The following PIGO variants were observed in gnomAD, a reference collection of about 807,000 sequenced individuals.
PIGO encodes the protein phosphatidylinositol glycan anchor biosynthesis class O.
Under a neutral mutation model 86.9 loss-of-function variants are expected in PIGO, and 66 were observed. The ratio of observed to expected loss-of-function variants is 0.76; its 90% CI spans 0.62 to 0.93. The LOEUF (loss-of-function observed/expected upper bound fraction) is 0.93. PIGO is among the 40% of genes least tolerant of loss of function. PIGO has a pLI of 0.00. For synonymous variants in PIGO, 570 were observed against 556.4 expected, an observed-to-expected ratio of 1.02 and a Z score of -0.34; for missense variants, 1,202 against 1,359.1, an observed-to-expected ratio of 0.88 and a Z score of 1.82.
rs753246745 is a variant in PIGO, at chr9:35,089,225, C to G, written c.3141-4G>C. ...GCCCACAGCCTCAAATATGAACCTGCAAAGAAAGGCGGAGAATCTCAGGCA... is the reference window on the plus strand; with the variant it reads ...GCCCACAGCCTCAAATATGAACCTGGAAAGAAAGGCGGAGAATCTCAGGCA... On this transcript the variant is annotated splice_polypyrimidine_tract_variant and splice_region_variant and intron_variant, in intron 10 of 10. Transcript: ENST00000378617. The G allele has an allele frequency of 1.2e-6, 2 of 1,614,168 alleles. No individual in the cohort carries two copies. Among genetic ancestry groups the G allele is most frequent in the Non-Finnish European group, 1.7e-6 (2 of 1,180,022 alleles).
intron 4 of PIGO, 149 bp downstream of exon 4, chr9:35,093,752 C>T (rs1260170079): frequency 6.9e-7 from 1 of 1,457,598 alleles, no homozygotes; most frequent in African/African-American, 1.4e-5. Context: ...CAAAGCTACA[C>T]ATTGAGTTAA....
rs1372946565 is a variant in PIGO at position 35,092,216 on chromosome 9, C to T, written c.1671G>A (p.Leu557=). ...GPVLLLLLFR[L]AVFFSDSFVV... is the part of the protein sequence containing the mutation. Reference sequence around the variant, plus strand: ...CAAAACTATCAGAGAAGAACACAGCCAAGCGAAACAGCAGGAGTAACAGGA... The same window carrying T: ...CAAAACTATCAGAGAAGAACACAGCTAAGCGAAACAGCAGGAGTAACAGGA... The change falls in exon 7 of 11, where the codon TTG becomes TTA. Residue 557 remains leucine, a synonymous_variant. Coordinates refer to ENST00000378617, the MANE Select transcript of PIGO (RefSeq NM_032634.4). 6.2e-7 allele frequency: 1 copy of T among 1,614,094 alleles called. No individual in the cohort carries two copies. Among genetic ancestry groups the T allele is most frequent in the East Asian group, 2.2e-5 (1 of 44,884 alleles).
At chr9:35,093,872 C>A in intron 4 of PIGO, 29 bp downstream of exon 4, 1 of 1,608,740 alleles carries the variant, frequency 6.2e-7, no homozygotes. Context: ...GACACAAACC[C>A]ACTCCCCCAG....
In PIGO at chr9:35,092,873, C is replaced by A; in HGVS notation, c.1120-106G>T. ...AGGGGGTACCTGGAAGTCAAGGACC[C>A]AAACTCTGTCCAGAATCGGGGAAGG... On this transcript the variant is annotated intron_variant, in intron 6 of 10. Transcript: ENST00000378617. The A allele has an allele frequency of 6.5e-6, 9 of 1,385,024 alleles. 1 individual carries two copies. Among genetic ancestry groups the A allele is most frequent in the Non-Finnish European group, 8.8e-6 (9 of 1,024,568 alleles). The allele number at this position is 1,385,024 out of a possible 1,614,324, so 85.8% of individuals were successfully genotyped here.
rs1378853287 is a variant in PIGO at position 35,096,492 on chromosome 9, A to G, written c.-339T>C. ...ACCTTGGTTAGGAGCTGAGGGGAAG[A>G]GGGAGACTCCCTTACTTCAGGGTGA... On this transcript the variant is annotated 5_prime_UTR_variant, in exon 1 of 11. Transcript: ENST00000378617. 6.6e-6 allele frequency: 1 copy of G among 152,344 alleles called. No individual in the cohort carries two copies. Among genetic ancestry groups the G allele is most frequent in the Non-Finnish European group, 1.5e-5 (1 of 68,138 alleles). The allele number at this position is 152,344 out of a possible 1,614,324, so 9.4% of individuals were successfully genotyped here.
intron 4 of PIGO, 124 bp downstream of exon 4, chr9:35,093,777 G>A: frequency 6.7e-7 from 1 of 1,490,902 alleles, no homozygotes; most frequent in Non-Finnish European, 9.0e-7. Flanking sequence ...GATGGATGGA[G>A]CCTCTAGCTT....
chr9:35,090,309 C>A, intron 8 of PIGO, 29 bp from the exon 9 acceptor site: 1 of 1,603,768 alleles, frequency 6.2e-7, no homozygotes, highest in South Asian at 1.1e-5. Context: ...TGGCTGGAAT[C>A]AACAGGCCAC....
In PIGO at chr9:35,091,122, TG is replaced by T. The variant is rs1587161119; in HGVS notation, c.2647+117del. The T allele has an allele frequency of 9.4e-6, 11 of 1,170,278 alleles. No homozygotes were observed. In the East Asian group the frequency reaches 2.4e-4, roughly 25 times the overall value. The allele number at this position is 1,170,278 out of a possible 1,614,324, so 72.5% of individuals were successfully genotyped here. On this transcript the variant is annotated intron_variant, in intron 7 of 10. Coordinates refer to ENST00000378617, the MANE Select transcript of PIGO (RefSeq NM_032634.4). ...CACCAAGAAGACCTTCCTAGTTGTG[TG>T]GGGCATGGGACCCTCTGTCAAGCTC... is the stretch of plus-strand genomic sequence containing the variant.
In PIGO at chr9:35,089,199, A is replaced by G. The variant is rs147316771; in HGVS notation, c.3163T>C (p.Phe1055Leu). ...APKFIFEAVG[F>L]IVSSVGLLLG... ...AGAAGTCCCACGCTGCTCACAATGA[A>G]GCCCACAGCCTCAAATATGAACCTG... Residue 1055 changes from phenylalanine (F) to leucine (L), a missense_variant, in exon 11 of 11, where the codon TTC becomes CTC. Transcript: ENST00000378617. 1.2e-3 allele frequency: 2,016 copies of G among 1,614,234 alleles called. 1 individual carries two copies. Among genetic ancestry groups the G allele is most frequent in the Non-Finnish European group, 1.6e-3 (1,841 of 1,180,046 alleles).
At position 35,090,201 on chromosome 9, in the gene PIGO, A is replaced by G. The variant is rs780217709; in HGVS notation, c.2934T>C (p.Asn978=). ...GLRKRQQPPG[N]EADARVRPEE... ...CGGGTCTGACTCTGGCATCAGCTTCATTCCCTGGGGGCTGCTGTCTCTTCC... is the reference window on the plus strand; with the variant it reads ...CGGGTCTGACTCTGGCATCAGCTTCGTTCCCTGGGGGCTGCTGTCTCTTCC... Residue 978 remains asparagine (N), a synonymous_variant, in exon 9 of 11, where the codon AAT becomes AAC. Transcript: ENST00000378617. 6.2e-7 allele frequency: 1 copy of G among 1,614,194 alleles called. No homozygotes were observed.
At position 35,091,935 on chromosome 9, in the gene PIGO, G is replaced by T; in HGVS notation, c.1952C>A (p.Ser651Tyr). The T allele has an allele frequency of 6.2e-7, 1 of 1,614,232 alleles. No homozygotes were observed. Among genetic ancestry groups the T allele is most frequent in the South Asian group, 1.1e-5 (1 of 91,090 alleles). The change falls in exon 7 of 11, where the codon TCT becomes TAT. Residue 651 changes from serine to tyrosine, a missense_variant. Physicochemically the swap from Ser to Tyr is moderately radical, Grantham distance 144. Transcript: ENST00000378617. ...CPEETPVCHS[S>Y]PWLSPLASMV... The stretch of plus-strand genomic sequence containing the variant: ...GGATGCCAGAGGACTCAGCCAGGGA[G>T]AGGAGTGGCAAACAGGTGTCTCTTC...
chr9:35,094,313 GA>G lies in PIGO; in HGVS notation c.557del (p.Phe186SerfsTer19). 6.2e-7 allele frequency: 1 copy of G among 1,607,618 alleles called. No homozygotes were observed. Among genetic ancestry groups the G allele is most frequent in the Non-Finnish European group, 8.5e-7 (1 of 1,178,420 alleles). On this transcript the variant is annotated frameshift_variant, in exon 3 of 11. Transcript: ENST00000378617. LOFTEE classifies it high-confidence loss of function. Reference sequence around the variant, plus strand: ...AGAAAGCTTTGGAGAAAGCACCAGGGAAAAGGTCTTTCCAGGTATCATCTCC... The same window carrying G: ...AGAAAGCTTTGGAGAAAGCACCAGGGAAAGGTCTTTCCAGGTATCATCTCC... The part of the protein sequence containing the change: ...FMGDDTWKDL[F>X]PGAFSKAFFF...
Position 35,093,058 on chromosome 9 carries a change from G to A in PIGO, c.1091C>T (p.Ala364Val). The change falls in exon 6 of 11, where the codon GCC becomes GTC. Residue 364 changes from alanine to valine, a missense_variant. Transcript: ENST00000378617. ...CTGAGCATTGAGATGGAGAGCTGAG[G>A]CTTGGGCTAAAGCAGAGGAGTGGGG... ...SQPHSSALAQASALHLNAQQV... is the reference protein window; with the variant it reads ...SQPHSSALAQVSALHLNAQQV... 1 of 1,612,722 alleles carries A rather than the reference G, an allele frequency of 6.2e-7. No homozygotes were observed.
intron 1 of PIGO, chr9:35,095,821 C>A: frequency 2.7e-6 from 1 of 370,516 alleles, no homozygotes. Context: ...CGAGACCAGC[C>A]TGGCCAAAAT....
Position 35,092,796 on chromosome 9 carries a change from G to C in PIGO, c.1120-29C>G, listed in dbSNP as rs760025319. On this transcript the variant is annotated intron_variant, in intron 6 of 10. Coordinates refer to ENST00000378617, the MANE Select transcript of PIGO (RefSeq NM_032634.4). ...GCAGAGAAAAGGTCAGAGGCCAAGGGGAACAGGTCAGAGACATAAATTGGG... is the reference window on the plus strand; with the variant it reads ...GCAGAGAAAAGGTCAGAGGCCAAGGCGAACAGGTCAGAGACATAAATTGGG... 6 of 1,562,542 alleles carry C rather than the reference G, an allele frequency of 3.8e-6. No individual in the cohort carries two copies. In the African/African-American group the frequency reaches 8.2e-5, roughly 21 times the overall value.
At chr9:35,089,595 G>C in intron 9 of PIGO, 145 bp from the exon 10 acceptor site, 1 of 1,476,602 alleles carries the variant, frequency 6.8e-7, no homozygotes, top group Non-Finnish European at 9.0e-7. Flanking sequence ...CCTGGGCTAG[G>C]AGTTAGGAGA....
chr9:35,092,893 G>A, intron 6 of PIGO, 126 bp from the exon 7 acceptor site: 1 of 1,373,152 alleles, frequency 7.3e-7, no homozygotes, highest in Non-Finnish European at 9.8e-7. Flanking sequence ...CCAGAATCGG[G>A]GAAGGGAGGG....
rs1829435949 is a variant in PIGO at position 35,091,827 on chromosome 9, C to T, written c.2060G>A (p.Trp687Ter). The T allele has an allele frequency of 6.2e-7, 1 of 1,613,908 alleles. No homozygotes were observed. The highest frequency in any genetic ancestry group is 1.6e-4 in the Middle Eastern group (1 of 6,062). Residue 687 changes from tryptophan to a stop codon, truncating the protein, a stop_gained, in exon 7 of 11, where the codon TGG (tryptophan) becomes TAG (stop). Coordinates refer to ENST00000378617, the MANE Select transcript of PIGO (RefSeq NM_032634.4). LOFTEE classifies it high-confidence loss of function. ...CTTGAGATTACCATAGCGGCGAAGC[C>T]ACAAGCGCACGGCAGCTAACAGGGC... ...LVALLAAVRL[W>*]LRRYGNLKSP...
intron 5 of PIGO, 40 bp from the exon 6 acceptor site, chr9:35,093,249 G>A (rs755957937): frequency 1.3e-6 from 2 of 1,591,116 alleles, no homozygotes. Context: ...TCATCACAAA[G>A]CTGAAGTCAA....
Sources: gnomAD v4.1 joint callset for allele counts on GRCh38, gnomAD v4.1.1 for gene constraint, MANE v1.5 for transcripts, NCBI Gene and HGNC (gene_info 2026-07-23, HGNC 2026-07-21) for gene names.